Variants in OBI1 observed in about 807,000 individuals in gnomAD.
OBI1 encodes ring finger protein 219.
A neutral mutation model predicts 62.4 loss-of-function variants in OBI1; 59 were observed. The observed-to-expected ratio is 0.95, with a 90% CI of 0.77 to 1.17. OBI1 has a LOEUF of 1.17. Ranked by LOEUF, OBI1 falls within the 50% of genes most tolerant of loss-of-function variation. The pLI is 0.00. For synonymous variants in OBI1, 302 were observed against 292.8 expected, an observed-to-expected ratio of 1.03 and a Z score of -0.32; for missense variants, 875 against 830.9, an observed-to-expected ratio of 1.05 and a Z score of -0.65.
chr13:78,640,489 A>G (rs751652522), intron 3 of OBI1, among the ~76,000 whole-genome samples: 17 of 152,130 alleles, frequency 1.1e-4, no homozygotes, highest in Non-Finnish European at 2.2e-4. Context: ...CAGATGATGA[A>G]TCCTTGGATA....
rs764457501 is a variant in OBI1 at position 78,659,059 on chromosome 13, C to G, written c.62G>C (p.Cys21Ser). The G allele has an allele frequency of 3.1e-6, 5 of 1,613,052 alleles. No individual in the cohort carries two copies. The highest frequency in any genetic ancestry group is 4.2e-6 in the Non-Finnish European group (5 of 1,179,648). Residue 21 changes from cysteine to serine, a missense_variant, in exon 1 of 6, where the codon TGC becomes TCC. By Grantham distance (112) the Cys-to-Ser change is moderately radical. Transcript: ENST00000282003. ...SLTLPITCHI[C>S]LGKVRQPVIC... ...ACAATCACCCATTACCTTCCCCAAG[C>G]AAATGTGGCACGTGATGGGCAGAGT...
intron 5 of OBI1, among the ~76,000 whole-genome samples, chr13:78,631,820 G>A (rs895708719): frequency 3.9e-5 from 6 of 152,054 alleles, no homozygotes; most frequent in African/African-American, 1.4e-4. Flanking sequence ...AATTGAGGAA[G>A]GAAAAATGTC....
chr13:78,653,408 C>T (rs768076155), intron 1 of OBI1, among the ~76,000 whole-genome samples: 30 of 152,194 alleles, frequency 2.0e-4, no homozygotes, highest in Non-Finnish European at 3.5e-4. Context: ...TCAAAGGAAT[C>T]TTACTAATAA....
At chr13:78,633,000 A>G (rs1875900318) in intron 5 of OBI1, among the ~76,000 whole-genome samples, 1 of 152,182 alleles carries the variant, frequency 6.6e-6, no homozygotes, top group South Asian at 2.1e-4. Context: ...ATCCAGTTTG[A>G]GCCATGGATA....
rs1875239744 is a variant in OBI1 at position 78,615,587 on chromosome 13, T to G, written c.2174A>C (p.Lys725Thr). Reference protein sequence around the residue: ...LSSASPSKATKS With the variant: ...LSSASPSKATTS ...TGACACCTTTCTAATGAGTCAACTTTTAGTTGCTTTTGATGGGCTGGCACT... is the reference window on the plus strand; with the variant it reads ...TGACACCTTTCTAATGAGTCAACTTGTAGTTGCTTTTGATGGGCTGGCACT... Residue 725 changes from lysine to threonine, a missense_variant, in exon 6 of 6, where the codon AAA becomes ACA. Coordinates refer to ENST00000282003, the MANE Select transcript of OBI1 (RefSeq NM_024546.4). 1.9e-6 allele frequency: 3 copies of G among 1,593,040 alleles called. No individual in the cohort carries two copies. Among genetic ancestry groups the G allele is most frequent in the Non-Finnish European group, 2.6e-6 (3 of 1,172,008 alleles).
At chr13:78,653,759 T>G (rs911805107) in intron 1 of OBI1, among the ~76,000 whole-genome samples, 1 of 152,146 alleles carries the variant, frequency 6.6e-6, no homozygotes, top group East Asian at 1.9e-4. Flanking sequence ...TCTGGCATCC[T>G]CCCCTCACTA....
At chr13:78,658,901 C>T in intron 1 of OBI1, 148 bp downstream of exon 1, 2 of 642,070 alleles carry the variant, frequency 3.1e-6, no homozygotes, top group Admixed American at 4.7e-5. Flanking sequence ...TCTCCCAGGA[C>T]GCGGCCTCCC....
At chr13:78,653,159 TG>T (rs1463688501) in intron 1 of OBI1, among the ~76,000 whole-genome samples, 2 of 152,204 alleles carry the variant, frequency 1.3e-5, no homozygotes, top group African/African-American at 2.4e-5. Context: ...AGTTACACAT[TG>T]GCTTCAAACA....
intron 1 of OBI1, among the ~76,000 whole-genome samples, chr13:78,655,387 G>A (rs1405047012): frequency 3.3e-5 from 5 of 152,182 alleles, no homozygotes; most frequent in South Asian, 2.1e-4. Flanking sequence ...TATGTTATGC[G>A]TAAATCATCC....
intron 1 of OBI1, among the ~76,000 whole-genome samples, chr13:78,647,337 C>A (rs769013470): frequency 6.6e-6 from 1 of 152,218 alleles, no homozygotes; most frequent in Non-Finnish European, 1.5e-5. Flanking sequence ...CCCTACTGTA[C>A]ATTTGTTCAG....
chr13:78,650,075 T>C (rs901098087), intron 1 of OBI1, among the ~76,000 whole-genome samples: 3 of 152,230 alleles, frequency 2.0e-5, no homozygotes, highest in African/African-American at 7.2e-5. Flanking sequence ...CTGTGGTTTC[T>C]AATGCAAAGT....
At chr13:78,633,337 T>C (rs1266376831) in intron 5 of OBI1, among the ~76,000 whole-genome samples, 2 of 152,196 alleles carry the variant, frequency 1.3e-5, no homozygotes, top group Non-Finnish European at 2.9e-5. Flanking sequence ...TTTTTTCTCA[T>C]TGGTTAGTTA....
intron 5 of OBI1, among the ~76,000 whole-genome samples, chr13:78,629,178 G>A (rs1046146186): frequency 6.6e-6 from 1 of 152,060 alleles, no homozygotes; most frequent in African/African-American, 2.4e-5. Flanking sequence ...AGGCATTGCT[G>A]AAGACTTGTC....
Position 78,617,018 on chromosome 13 carries a change from T to A in OBI1, c.743A>T (p.Glu248Val). Residue 248 changes from glutamate to valine, a missense_variant, in exon 6 of 6, where the codon GAG becomes GTG. By Grantham distance (121) the Glu-to-Val change is moderately radical. Transcript: ENST00000282003. ...CTGTGCAACTTGAGATTCTAGTTCC[T>A]CTATATACTTATCACTTCGTTCCAG... ...KALERSDKYI[E>V]ELESQVAQLK... The A allele has an allele frequency of 1.2e-6, 2 of 1,614,128 alleles. No individual in the cohort carries two copies. The highest frequency in any genetic ancestry group is 1.7e-6 in the Non-Finnish European group (2 of 1,179,956).
At chr13:78,630,097 C>A (rs182882155) in intron 5 of OBI1, among the ~76,000 whole-genome samples, 207 of 152,220 alleles carry the variant, frequency 1.4e-3, no homozygotes, top group African/African-American at 4.9e-3. Flanking sequence ...GGCTTAAGTT[C>A]TTTTTGATAA....
In OBI1 at chr13:78,614,587, G is replaced by A. The variant is rs546159626; in HGVS notation, c.*993C>T. On this transcript the variant is annotated 3_prime_UTR_variant, in exon 6 of 6. Coordinates refer to ENST00000282003, the MANE Select transcript of OBI1 (RefSeq NM_024546.4). ...CTGAAACCTCTTTTTCTTAAGTATG[G>A]AAAACACAGCAAGCAAAAATGCTAC... The A allele has an allele frequency of 6.5e-6, 1 of 152,686 alleles. No homozygotes were observed. The highest frequency in any genetic ancestry group is 2.1e-4 in the South Asian group (1 of 4,826). The allele number at this position is 152,686 out of a possible 1,614,324, so 9.5% of individuals were successfully genotyped here.
At chr13:78,626,941 C>CT (rs1875687436) in intron 5 of OBI1, among the ~76,000 whole-genome samples, 1 of 152,150 alleles carries the variant, frequency 6.6e-6, no homozygotes, top group Non-Finnish European at 1.5e-5. Context: ...TGGCGGGCGC[C>CT]TGTAGTCCCA....
chr13:78,615,497 A>C lies in OBI1; in HGVS notation c.*83T>G, dbSNP rs1875233652. On this transcript the variant is annotated 3_prime_UTR_variant, in exon 6 of 6. Transcript: ENST00000282003. ...AGATTATCAATTCCAATTTGTATAG[A>C]ACTTTTATGAGGAAAAAAGGTAACT... 1.0e-6 allele frequency: 1 copy of C among 1,004,298 alleles called. No individual in the cohort carries two copies. Among genetic ancestry groups the C allele is most frequent in the African/African-American group, 1.6e-5 (1 of 61,760 alleles). The allele number at this position is 1,004,298 out of a possible 1,614,324, so 62.2% of individuals were successfully genotyped here. A position where few individuals can be genotyped will look rare whatever the true frequency, so the allele number is the denominator to read the frequency against.
intron 5 of OBI1, among the ~76,000 whole-genome samples, chr13:78,624,051 C>A (rs750007743): frequency 2.6e-5 from 4 of 152,150 alleles, no homozygotes; most frequent in Non-Finnish European, 5.9e-5. Flanking sequence ...GATAAACTTG[C>A]CTGGTTCATG....
Sources: gnomAD v4.1 joint callset for allele counts (sites outside exome capture counted in the v4.1 genomes callset) on GRCh38, gnomAD v4.1.1 for gene constraint, MANE v1.5 for transcripts, NCBI Gene and HGNC (gene_info 2026-07-23, HGNC 2026-07-21) for gene names.